CENPP: variants seen among roughly 807,000 people sequenced by gnomAD.
CENPP encodes the protein centromere protein P.
In CENPP, 24 loss-of-function variants were observed where a neutral mutation model predicts 35.6. That is an observed-to-expected ratio of 0.67 (90% CI 0.49 to 0.95). The LOEUF (loss-of-function observed/expected upper bound fraction) is 0.95. CENPP is among the 40% of genes least tolerant of loss of function. CENPP has a pLI of 0.00. For synonymous variants in CENPP, 120 were observed against 125.5 expected (o/e 0.96, Z 0.29); for missense variants, 332 against 345.3 (o/e 0.96, Z 0.31).
At chr9:92,514,695 G>A in intron 5 of CENPP, 1 of 1,612,576 alleles carries the variant, frequency 6.2e-7, no homozygotes, top group Non-Finnish European at 8.5e-7. Context: ...GCATGGCGTT[G>A]ATGCAGCTGA....
At chr9:92,573,826 C>T (rs1037090363) in intron 5 of CENPP, among the ~76,000 whole-genome samples, 2 of 152,248 alleles carry the variant, frequency 1.3e-5, no homozygotes, top group South Asian at 2.1e-4. Flanking sequence ...GCCTCGCGGC[C>T]GCCTTGCAGT....
intron 5 of CENPP, among the ~76,000 whole-genome samples, chr9:92,462,898 A>G (rs532928908): frequency 2.4e-4 from 36 of 152,354 alleles, no homozygotes; most frequent in Admixed American, 6.5e-4. Flanking sequence ...GCAACGTGCC[A>G]GCGAATCTAG....
chr9:92,378,584 T>C (rs1269608828), intron 4 of CENPP, among the ~76,000 whole-genome samples: 1 of 152,220 alleles, frequency 6.6e-6, no homozygotes, highest in African/African-American at 2.4e-5. Context: ...TTTTAAATTA[T>C]AGTTAACGGA....
intron 5 of CENPP, among the ~76,000 whole-genome samples, chr9:92,398,489 A>G (rs915563882): frequency 6.6e-6 from 1 of 151,626 alleles, no homozygotes; most frequent in Non-Finnish European, 1.5e-5. Flanking sequence ...ATTTTCTTAT[A>G]TCCTTTTCTT....
intron 5 of CENPP, among the ~76,000 whole-genome samples, chr9:92,444,272 A>T (rs762372575): frequency 6.6e-6 from 1 of 152,050 alleles, no homozygotes; most frequent in Non-Finnish European, 1.5e-5. Context: ...ATGATTAGTG[A>T]TGCTATCTTT....
At chr9:92,340,132 T>C (rs1212691462) in intron 3 of CENPP, 2 of 153,650 alleles carry the variant, frequency 1.3e-5, no homozygotes, top group Non-Finnish European at 2.9e-5. Context: ...CTTTTTCTAC[T>C]GTAAGAGTTC....
intron 5 of CENPP, among the ~76,000 whole-genome samples, chr9:92,446,910 G>A (rs1844566714): frequency 6.6e-6 from 1 of 151,702 alleles, no homozygotes; most frequent in African/African-American, 2.4e-5. Flanking sequence ...GGGAAAAAGG[G>A]AGGGCTGGAA....
rs144720294 is a variant in CENPP at position 92,616,005 on chromosome 9, C to T, written c.*2856C>T. ...TTGAGGTCAAGGTCCAGCACAGACA[C>T]GGAAAAGGCAAACCTGGACCTCGAT... On this transcript the variant is annotated 3_prime_UTR_variant, in exon 8 of 8. Coordinates refer to ENST00000375587, the MANE Select transcript of CENPP (RefSeq NM_001012267.3). The T allele has an allele frequency of 3.1e-5, 50 of 1,614,128 alleles. 1 individual carries two copies. In the African/African-American group the frequency reaches 4.4e-4, roughly 14 times the overall value.
At chr9:92,481,984 T>C (rs530460818) in intron 5 of CENPP, among the ~76,000 whole-genome samples, 21 of 152,258 alleles carry the variant, frequency 1.4e-4, no homozygotes, top group Non-Finnish European at 3.1e-4. Flanking sequence ...ACAAGATGTT[T>C]ATTTAGATGA....
chr9:92,547,163 A>T (rs999614766), intron 5 of CENPP, among the ~76,000 whole-genome samples: 50 of 152,346 alleles, frequency 3.3e-4, no homozygotes, highest in Middle Eastern at 3.4e-3. Flanking sequence ...TGCAAAAAAA[A>T]TTTTTGATAA....
chr9:92,543,611 T>A (rs1849365545), intron 5 of CENPP, among the ~76,000 whole-genome samples: 1 of 152,032 alleles, frequency 6.6e-6, no homozygotes, highest in Non-Finnish European at 1.5e-5. Context: ...TCGATAGGAA[T>A]TACATAAAAT....
intron 5 of CENPP, among the ~76,000 whole-genome samples, chr9:92,383,279 A>G (rs1477206241): frequency 1.3e-5 from 2 of 152,062 alleles, no homozygotes; most frequent in Non-Finnish European, 2.9e-5. Flanking sequence ...TCTTATTTTC[A>G]AGATTCTTCT....
chr9:92,487,807 C>T (rs998906401), intron 5 of CENPP, among the ~76,000 whole-genome samples: 12 of 152,264 alleles, frequency 7.9e-5, no homozygotes, highest in Admixed American at 5.9e-4. Context: ...TGCACTCCAG[C>T]CTGGGTGACA....
At chr9:92,425,540 G>C (rs1011821885) in intron 5 of CENPP, among the ~76,000 whole-genome samples, 1 of 152,136 alleles carries the variant, frequency 6.6e-6, no homozygotes, top group Admixed American at 6.6e-5. Context: ...GTTCATTTTG[G>C]GGGGGAATTC....
chr9:92,447,171 A>G (rs182213518), intron 5 of CENPP, among the ~76,000 whole-genome samples: 190 of 152,268 alleles, frequency 1.2e-3, no homozygotes, highest in African/African-American at 4.3e-3. Context: ...TGAGGGAGGA[A>G]GGAATGGTTT....
At chr9:92,547,845 G>T (rs1162762529) in intron 5 of CENPP, among the ~76,000 whole-genome samples, 1 of 152,170 alleles carries the variant, frequency 6.6e-6, no homozygotes, top group Non-Finnish European at 1.5e-5. Context: ...TTTAAATGGT[G>T]AAATACTGAC....
Position 92,495,535 on chromosome 9 carries a change from T to C in CENPP, c.564+115676T>C. ...TAATTAATTTGTATTTTAAGCAAAC[T>C]CTACTGCTTTTCAAAAAATGTCTTA... On this transcript the variant is annotated intron_variant, in intron 5 of 7. Coordinates refer to ENST00000375587, the MANE Select transcript of CENPP (RefSeq NM_001012267.3). The C allele has an allele frequency of 8.1e-6, 8 of 982,158 alleles. No individual in the cohort carries two copies. In the South Asian group the frequency reaches 3.3e-4, roughly 41 times the overall value. The allele number at this position is 982,158 out of a possible 1,614,324, so 60.8% of individuals were successfully genotyped here.
intron 5 of CENPP, chr9:92,600,351 C>T (rs1213540450): frequency 1.9e-6 from 3 of 1,541,448 alleles, no homozygotes; most frequent in Non-Finnish European, 1.7e-6. Flanking sequence ...CCCAGCTCTT[C>T]GTTTTAAAAA....
intron 5 of CENPP, among the ~76,000 whole-genome samples, chr9:92,406,991 A>G (rs1843324218): frequency 6.6e-6 from 1 of 152,150 alleles, no homozygotes; most frequent in African/African-American, 2.4e-5. Flanking sequence ...CATTATACTC[A>G]TGATTATGGT....
Sources: gnomAD v4.1 joint callset for allele counts (sites outside exome capture counted in the v4.1 genomes callset) on GRCh38, gnomAD v4.1.1 for gene constraint, MANE v1.5 for transcripts, NCBI Gene and HGNC (gene_info 2026-07-23, HGNC 2026-07-21) for gene names.